STARD9: variants seen among roughly 807,000 people sequenced by gnomAD.
STARD9 encodes the protein StAR related lipid transfer domain containing 9, also known as stAR-related lipid transfer protein 9.
Under a neutral mutation model 399.8 loss-of-function variants are expected in STARD9, and 346 were observed. That is an observed-to-expected ratio of 0.87 (90% confidence interval 0.79 to 0.95). STARD9 has a LOEUF of 0.95. STARD9 is among the 40% of genes least tolerant of loss of function. STARD9 has a pLI of 0.00. For synonymous variants in STARD9, 2,203 were observed against 2,143.5 expected (o/e 1.03, Z -0.77); for missense variants, 5,832 against 5,667.5 (o/e 1.03, Z -0.93).
intron 26 of STARD9, among the ~76,000 whole-genome samples, chr15:42,710,426 G>C (rs80221140): frequency 6.6e-6 from 1 of 152,036 alleles, no homozygotes; most frequent in Non-Finnish European, 1.5e-5. Flanking sequence ...TATTCATAGA[G>C]TTGTGTATCC....
intron 3 of STARD9, among the ~76,000 whole-genome samples, chr15:42,633,896 A>G (rs900477496): frequency 1.3e-5 from 2 of 151,902 alleles, no homozygotes; most frequent in Non-Finnish European, 2.9e-5. Context: ...CACCCACCTC[A>G]TCCTCCCAAA....
At position 42,575,778 on chromosome 15, in the gene STARD9, A is replaced by C. The variant is rs1297053475; in HGVS notation, c.47+16A>C. On this transcript the variant is annotated intron_variant, in intron 1 of 32. Transcript: ENST00000290607. ...TCAGCAAGAGGTGAGTCTCCGCGGGAGAGGGCGCCTGAGGCTTCACAGGAG... is the reference window on the plus strand; with the variant it reads ...TCAGCAAGAGGTGAGTCTCCGCGGGCGAGGGCGCCTGAGGCTTCACAGGAG... 8 of 1,536,744 alleles carry C rather than the reference A, an allele frequency of 5.2e-6. No individual in the cohort carries two copies. The highest frequency in any genetic ancestry group is 3.9e-5 in the Admixed American group (2 of 51,000).
intron 11 of STARD9, 75 bp from the exon 12 acceptor site, chr15:42,663,206 C>G: frequency 7.6e-7 from 1 of 1,316,560 alleles, no homozygotes; most frequent in Non-Finnish European, 1.0e-6. Flanking sequence ...TCTGTGTTCT[C>G]CAACCATTGT....
intron 13 of STARD9, 68 bp downstream of exon 13, chr15:42,663,985 C>G (rs748595259): frequency 1.1e-4 from 123 of 1,097,200 alleles, no homozygotes; most frequent in Middle Eastern, 4.1e-4. Flanking sequence ...TTTTTTCTCT[C>G]GTGATTTCTT....
intron 7 of STARD9, among the ~76,000 whole-genome samples, chr15:42,646,175 A>G (rs1366652532): frequency 1.3e-5 from 2 of 152,024 alleles, no homozygotes; most frequent in Non-Finnish European, 2.9e-5. Flanking sequence ...AACAACAACA[A>G]CAATAATAAT....
Position 42,691,782 on chromosome 15 carries a change from C to T in STARD9, c.10204C>T (p.Pro3402Ser), listed in dbSNP as rs1436658755. The T allele has an allele frequency of 6.5e-7, 1 of 1,537,116 alleles. No homozygotes were observed. Among genetic ancestry groups the T allele is most frequent in the African/African-American group, 1.4e-5 (1 of 73,052 alleles). ...GACTACCGATCACAGGCACCTGAAGCCTGCCACCCCTCCTTATCCAATGCC... is the reference window on the plus strand; with the variant it reads ...GACTACCGATCACAGGCACCTGAAGTCTGCCACCCCTCCTTATCCAATGCC... ...DGTTDHRHLK[P>S]ATPPYPMPST... Residue 3402 changes from proline (P) to serine (S), a missense_variant, in exon 23 of 33, where the codon CCT becomes TCT. By Grantham distance (74) the Pro-to-Ser change is moderately conservative (BLOSUM62 -1). Around this residue, in one of 2 missense-constraint regions of STARD9, gnomAD observed 5,828 missense variants for 5,651.1 expected, o/e 1.03. Coordinates refer to ENST00000290607, the MANE Select transcript of STARD9 (RefSeq NM_020759.3).
intron 4 of STARD9, 42 bp from the exon 5 acceptor site, chr15:42,637,865 T>C: frequency 6.5e-7 from 1 of 1,535,374 alleles, no homozygotes. Context: ...GAGAGCATCA[T>C]CTTAAGTAAA....
At chr15:42,664,063 G>T (rs146255515) in intron 13 of STARD9, 146 bp downstream of exon 13, 2 of 616,806 alleles carry the variant, frequency 3.2e-6, no homozygotes, top group Non-Finnish European at 5.7e-6. Context: ...ATTCTTTCTT[G>T]TACTGTCATC....
rs114646969 is a variant in STARD9 at position 42,708,165 on chromosome 15, T to A, written c.13285-8512T>A. 9.0e-3 allele frequency among the ~76,000 whole-genome samples: 1,364 copies of A among 152,032 alleles called. 17 individuals are homozygous for A. The highest frequency in any genetic ancestry group is 0.031 in the African/African-American group (1,298 of 41,476). On this transcript the variant is annotated intron_variant, in intron 26 of 32. Transcript: ENST00000290607. ...AAGACCCTGTTTCAAAAAAAAAAAA[T>A]TTCTTTTGAATCATCTTTTAAAGTT...
intron 16 of STARD9, chr15:42,671,551 A>T (rs2060202257): frequency 6.6e-6 from 1 of 152,138 alleles, no homozygotes; most frequent in Non-Finnish European, 1.5e-5. Flanking sequence ...TAAGGTGGGC[A>T]CATAAGGGAG....
intron 9 of STARD9, among the ~76,000 whole-genome samples, chr15:42,652,984 C>A (rs575916519): frequency 6.6e-6 from 1 of 152,232 alleles, no homozygotes; most frequent in South Asian, 2.1e-4. Flanking sequence ...GGCCCTGTTT[C>A]TTTTCCTTTC....
intron 4 of STARD9, among the ~76,000 whole-genome samples, chr15:42,636,840 C>A (rs2059426975): frequency 6.6e-6 from 1 of 151,856 alleles, no homozygotes; most frequent in Non-Finnish European, 1.5e-5. Context: ...CTAAGGCAGG[C>A]GGATCACCTG....
In STARD9 at chr15:42,621,574, G is replaced by A. The variant is rs2059094752; in HGVS notation, c.235-13282G>A. 2.0e-5 allele frequency among the ~76,000 whole-genome samples: 3 copies of A among 152,198 alleles called. No homozygotes were observed. In the South Asian group the frequency reaches 6.2e-4, roughly 32 times the overall value. On this transcript the variant is annotated intron_variant, in intron 3 of 32. Transcript: ENST00000290607. ...GACATACAGAAAACAGAGGGATGAG[G>A]TACAGAAACAGCTGGATTGGTTACA...
At chr15:42,699,392 C>CTTT (rs34614271) in intron 26 of STARD9, among the ~76,000 whole-genome samples, 17 of 113,278 alleles carry the variant, frequency 1.5e-4, no homozygotes, top group South Asian at 2.7e-4. Flanking sequence ...TTTTTCTTTT[C>CTTT]TTTTTTTTTT....
intron 6 of STARD9, 61 bp downstream of exon 6, chr15:42,638,148 T>C: frequency 1.4e-6 from 2 of 1,425,530 alleles, no homozygotes; most frequent in Non-Finnish European, 1.9e-6. Context: ...AATTCTACCA[T>C]GTTCAGCTGT....
At position 42,575,613 on chromosome 15, in the gene STARD9, C is replaced by T. The variant is rs994245437; in HGVS notation, c.-103C>T. 1.6e-5 allele frequency: 21 copies of T among 1,296,328 alleles called. No homozygotes were observed. The highest frequency in any genetic ancestry group is 5.4e-5 in the East Asian group (2 of 36,774). The allele number at this position is 1,296,328 out of a possible 1,614,324, so 80.3% of individuals were successfully genotyped here. A position where few individuals can be genotyped will look rare whatever the true frequency, so the allele number is the denominator to read the frequency against. On this transcript the variant is annotated 5_prime_UTR_variant, in exon 1 of 33. Coordinates refer to ENST00000290607, the MANE Select transcript of STARD9 (RefSeq NM_020759.3). ...CCGCGCGGCGGCGTCCCCAGAGGCGCGTGGGGCGGGCGGGGCTGGGTTGGG... is the reference window on the plus strand; with the variant it reads ...CCGCGCGGCGGCGTCCCCAGAGGCGTGTGGGGCGGGCGGGGCTGGGTTGGG...
chr15:42,592,152 A>G (rs1360493581), intron 3 of STARD9, among the ~76,000 whole-genome samples: 3 of 152,320 alleles, frequency 2.0e-5, no homozygotes, highest in African/African-American at 4.8e-5. Flanking sequence ...TCCCCCTTTT[A>G]TAGTGGAGGA....
intron 1 of STARD9, 136 bp downstream of exon 1, chr15:42,575,898 C>A: frequency 1.0e-6 from 1 of 967,122 alleles, no homozygotes; most frequent in Non-Finnish European, 1.6e-6. Context: ...GTCCGGAATC[C>A]ACGGAGGCCT....
At chr15:42,613,641 T>C (rs2141822378) in intron 3 of STARD9, among the ~76,000 whole-genome samples, 1 of 152,310 alleles carries the variant, frequency 6.6e-6, no homozygotes, top group East Asian at 1.9e-4. Context: ...GTGCTGTCTG[T>C]TGTCATTATT....
Sources: allele counts gnomAD v4.1 joint callset (sites outside exome capture counted in the v4.1 genomes callset), GRCh38; gene constraint gnomAD v4.1.1; regional missense constraint gnomAD v4.1.1; transcripts MANE v1.5; gene names NCBI Gene and HGNC (gene_info 2026-07-23, HGNC 2026-07-21).